The following EPB41L4A variants were observed in gnomAD, a reference collection of about 807,000 sequenced individuals.
EPB41L4A encodes the protein erythrocyte membrane protein band 4.1 like 4A.
EPB41L4A carries 100 observed loss-of-function variants against 108.6 expected under a neutral mutation model. That is an observed-to-expected ratio of 0.92 (90% CI 0.78 to 1.09). EPB41L4A has a LOEUF of 1.09. Ranked by LOEUF, EPB41L4A falls within the 50% of genes least tolerant of loss-of-function variation. EPB41L4A has a pLI of 0.00. For missense variants in EPB41L4A, 1,030 were observed against 842.7 expected, an observed-to-expected ratio of 1.22 and a Z score of -2.75; for synonymous variants, 319 against 289.0, an observed-to-expected ratio of 1.10 and a Z score of -1.05.
chr5:112,384,215 C>T (rs1228004039), intron 1 of EPB41L4A, among the ~76,000 whole-genome samples: 1 of 152,072 alleles, frequency 6.6e-6, no homozygotes, highest in Admixed American at 6.6e-5. Context: ...CCAAAAAACA[C>T]TAAACTGTAC....
chr5:112,228,404 AT>A (rs1388002434), intron 12 of EPB41L4A: 1 of 152,054 alleles, frequency 6.6e-6, no homozygotes, highest in African/African-American at 2.4e-5. Flanking sequence ...CTCAGAAATC[AT>A]TTTCACAACC....
At chr5:112,168,155 G>T (rs1760364803) in intron 22 of EPB41L4A, among the ~76,000 whole-genome samples, 1 of 152,144 alleles carries the variant, frequency 6.6e-6, no homozygotes, top group South Asian at 2.1e-4. Context: ...ATCATGAGAG[G>T]CGGTATGAAA....
chr5:112,201,255 A>G (rs1486137148), intron 15 of EPB41L4A, among the ~76,000 whole-genome samples: 1 of 152,220 alleles, frequency 6.6e-6, no homozygotes, highest in Non-Finnish European at 1.5e-5. Context: ...AAAAGGCTCT[A>G]TGGATGCTCA....
chr5:112,148,672 A>T (rs1234311505), intron 12 of EPB41L4A, among the ~76,000 whole-genome samples: 1 of 152,170 alleles, frequency 6.6e-6, no homozygotes, highest in Non-Finnish European at 1.5e-5. Flanking sequence ...TTTTATGTTT[A>T]GTAAGTTTTT....
chr5:112,321,299 T>C (rs556084368), intron 1 of EPB41L4A, among the ~76,000 whole-genome samples: 1 of 152,334 alleles, frequency 6.6e-6, no homozygotes, highest in East Asian at 1.9e-4. Context: ...ATTCCTGACC[T>C]GCTTTTCTTC....
intron 2 of EPB41L4A, among the ~76,000 whole-genome samples, chr5:112,295,115 C>A (rs1371939182): frequency 6.6e-6 from 1 of 152,196 alleles, no homozygotes. Context: ...CCAGTGGTCC[C>A]AGCTTAGTTA....
chr5:112,314,813 T>C (rs1316465550), intron 1 of EPB41L4A, among the ~76,000 whole-genome samples: 6 of 151,566 alleles, frequency 4.0e-5, no homozygotes, highest in African/African-American at 9.7e-5. Flanking sequence ...GAAAAAGACA[T>C]GCAAATGATA....
At chr5:112,292,097 A>C (rs1255418547) in intron 2 of EPB41L4A, among the ~76,000 whole-genome samples, 1 of 152,178 alleles carries the variant, frequency 6.6e-6, no homozygotes, top group Non-Finnish European at 1.5e-5. Context: ...ATATTTGAGT[A>C]TCTTTTTATG....
intron 15 of EPB41L4A, among the ~76,000 whole-genome samples, chr5:112,203,617 C>T (rs114809213): frequency 1.3e-5 from 2 of 152,054 alleles, no homozygotes; most frequent in African/African-American, 2.4e-5. Flanking sequence ...ACACTCTACC[C>T]GTATAGGTAA....
At chr5:112,172,967 T>C (rs1242894798) in intron 18 of EPB41L4A, among the ~76,000 whole-genome samples, 1 of 152,228 alleles carries the variant, frequency 6.6e-6, no homozygotes, top group Admixed American at 6.5e-5. Flanking sequence ...CTGTGGCCTC[T>C]ACCCAACTAG....
intron 1 of EPB41L4A, among the ~76,000 whole-genome samples, chr5:112,352,639 T>C (rs1285898811): frequency 2.6e-5 from 4 of 152,218 alleles, no homozygotes; most frequent in African/African-American, 9.6e-5. Context: ...GTTTTGTTGT[T>C]TTCCGTTTTG....
chr5:112,367,757 T>C (rs1227467444), intron 1 of EPB41L4A, among the ~76,000 whole-genome samples: 4 of 152,122 alleles, frequency 2.6e-5, no homozygotes, highest in South Asian at 2.1e-4. Flanking sequence ...ATATGAAAGG[T>C]TGAAGAATCA....
chr5:112,306,711 A>C (rs1339939908), intron 2 of EPB41L4A, among the ~76,000 whole-genome samples: 1 of 152,210 alleles, frequency 6.6e-6, no homozygotes, highest in African/African-American at 2.4e-5. Context: ...TTCTTAGACT[A>C]AACCAAAAGT....
chr5:112,384,109 T>C (rs1319869339), intron 1 of EPB41L4A, among the ~76,000 whole-genome samples: 2 of 151,972 alleles, frequency 1.3e-5, no homozygotes, highest in African/African-American at 4.8e-5. Flanking sequence ...GTGGGGAGGA[T>C]GGGGGTGATA....
intron 1 of EPB41L4A, among the ~76,000 whole-genome samples, chr5:112,393,148 A>G (rs1332999258): frequency 6.6e-6 from 1 of 152,224 alleles, no homozygotes; most frequent in Non-Finnish European, 1.5e-5. Context: ...GGAAAGATCT[A>G]AAATCGACAC....
At chr5:112,370,600 G>A (rs1460179452) in intron 1 of EPB41L4A, among the ~76,000 whole-genome samples, 2 of 152,148 alleles carry the variant, frequency 1.3e-5, no homozygotes, top group East Asian at 1.9e-4. Flanking sequence ...CGATTTTCCA[G>A]TTACAAACCC....
At chr5:112,148,653 G>T (rs1759354339) in intron 12 of EPB41L4A, among the ~76,000 whole-genome samples, 1 of 152,060 alleles carries the variant, frequency 6.6e-6, no homozygotes, top group Non-Finnish European at 1.5e-5. Flanking sequence ...CTGAGAAACA[G>T]CCATTGATTT....
intron 1 of EPB41L4A, among the ~76,000 whole-genome samples, chr5:112,331,791 G>A (rs960356386): frequency 1.3e-5 from 2 of 152,208 alleles, no homozygotes; most frequent in African/African-American, 2.4e-5. Context: ...TAACCAACAT[G>A]AGTGACAGCA....
At chr5:112,188,217 C>CT (rs149945912) in intron 17 of EPB41L4A, among the ~76,000 whole-genome samples, 5,076 of 150,510 alleles carry the variant, frequency 0.034, 315 homozygotes, top group African/African-American at 0.12. Context: ...ATAAAGCAAT[C>CT]TTTTTTTTTT....
Sources: gnomAD v4.1 joint callset for allele counts (sites outside exome capture counted in the v4.1 genomes callset) on GRCh38, gnomAD v4.1.1 for gene constraint, MANE v1.5 for transcripts, NCBI Gene and HGNC (gene_info 2026-07-23, HGNC 2026-07-21) for gene names.